The following TLE1 variants were observed in gnomAD, a reference collection of about 807,000 sequenced individuals.
TLE1 encodes transducin-like enhancer protein 1.
In TLE1, 21 loss-of-function variants were observed where a neutral mutation model predicts 89.8. That is an observed-to-expected ratio of 0.23 (90% CI 0.17 to 0.34). The LOEUF is 0.34. Ranked by LOEUF, TLE1 falls within the 10% of genes least tolerant of loss-of-function variation. The probability of loss-of-function intolerance (pLI) is 1.00; values close to 1 mark genes in which losing one functional copy is unlikely to be tolerated. For missense variants in TLE1, 795 were observed against 1,031.2 expected, an observed-to-expected ratio of 0.77 and a Z score of 3.14; for synonymous variants, 447 against 407.6, an observed-to-expected ratio of 1.10 and a Z score of -1.16.
At position 81,583,986 on chromosome 9, in the gene TLE1, G is replaced by A. The variant is rs1827997514; in HGVS notation, c.*212C>T. On this transcript the variant is annotated 3_prime_UTR_variant, in exon 20 of 20. Transcript: ENST00000376499. ...AACCCATGGCCCCTCTGTCCGCTTG[G>A]CCTTGGTGCTCCATTTGGTCTATGT... is the stretch of plus-strand genomic sequence containing the variant. 1.8e-6 allele frequency: 1 copy of A among 552,228 alleles called. No individual in the cohort carries two copies. The allele number at this position is 552,228 out of a possible 1,614,324, so 34.2% of individuals were successfully genotyped here.
rs780771815 is a variant in TLE1 at position 81,616,147 on chromosome 9, A to C, written c.766-13T>G. On this transcript the variant is annotated splice_polypyrimidine_tract_variant and intron_variant, in intron 10 of 19. Coordinates refer to ENST00000376499, the MANE Select transcript of TLE1 (RefSeq NM_005077.5). ...GAGAAGAAGGGTCCTCAACAAGCAT[A>C]ATCAAAAGTTTTCGTGATTTAGCTT... 1 of 1,588,318 alleles carries C rather than the reference A, an allele frequency of 6.3e-7. No individual in the cohort carries two copies. Among genetic ancestry groups the C allele is most frequent in the South Asian group, 1.2e-5 (1 of 86,628 alleles).
chr9:81,644,331 C>T (rs1039407694), intron 6 of TLE1, among the ~76,000 whole-genome samples: 1 of 152,186 alleles, frequency 6.6e-6, no homozygotes, highest in African/African-American at 2.4e-5. Context: ...AAATATCCAT[C>T]AACTTATGAA....
intron 16 of TLE1, 27 bp from the exon 17 acceptor site, chr9:81,587,855 T>A: frequency 6.3e-7 from 1 of 1,599,432 alleles, no homozygotes; most frequent in Non-Finnish European, 8.5e-7. Context: ...GATTGAATAA[T>A]GATTTCCTGC....
intron 4 of TLE1, among the ~76,000 whole-genome samples, chr9:81,666,962 A>AT (rs1374665908): frequency 6.6e-6 from 1 of 151,904 alleles, no homozygotes; most frequent in Non-Finnish European, 1.5e-5. Flanking sequence ...TACAGAAAAA[A>AT]TTTAAAAATT....
chr9:81,660,976 C>T (rs1415217222), intron 4 of TLE1, among the ~76,000 whole-genome samples: 25 of 105,212 alleles, frequency 2.4e-4, no homozygotes, highest in Non-Finnish European at 4.0e-4. Flanking sequence ...CACACACACA[C>T]ACATTTAGCC....
chr9:81,588,077 G>T (rs916013951), intron 16 of TLE1, among the ~76,000 whole-genome samples: 5 of 152,096 alleles, frequency 3.3e-5, no homozygotes, highest in Non-Finnish European at 7.4e-5. Flanking sequence ...GCCACTGCAG[G>T]TCACTACCCA....
chr9:81,606,677 A>G (rs1454423123), intron 14 of TLE1, among the ~76,000 whole-genome samples: 1 of 151,988 alleles, frequency 6.6e-6, no homozygotes, highest in Non-Finnish European at 1.5e-5. Context: ...CCTAATGTAA[A>G]TAACGAGTTG....
intron 14 of TLE1, among the ~76,000 whole-genome samples, chr9:81,595,083 G>A (rs1174928390): frequency 6.6e-6 from 1 of 152,068 alleles, no homozygotes; most frequent in East Asian, 1.9e-4. Context: ...GAATAAGCAC[G>A]TATAATGGGA....
chr9:81,641,011 C>A (rs956944419), intron 6 of TLE1, among the ~76,000 whole-genome samples: 1 of 152,134 alleles, frequency 6.6e-6, no homozygotes, highest in Non-Finnish European at 1.5e-5. Context: ...AAAACCATGC[C>A]CCTAAGTGGC....
rs577732024 is a variant in TLE1, at chr9:81,649,081, C to G, written c.372+3133G>C. Among the ~76,000 whole-genome samples, 7 of 152,074 alleles carry G rather than the reference C, an allele frequency of 4.6e-5. No homozygotes were observed. In the South Asian group the frequency reaches 1.4e-3, roughly 31 times the overall value. Reference sequence around the variant, plus strand: ...AAGTAGGGCTGTAGTTATTATTCTGCCAGTCATCAAATTTGCTGTCAAAGC... The same window carrying G: ...AAGTAGGGCTGTAGTTATTATTCTGGCAGTCATCAAATTTGCTGTCAAAGC... On this transcript the variant is annotated intron_variant, in intron 6 of 19. Coordinates refer to ENST00000376499, the MANE Select transcript of TLE1 (RefSeq NM_005077.5).
At chr9:81,683,684 A>G (rs911357639) in intron 4 of TLE1, among the ~76,000 whole-genome samples, 12 of 152,166 alleles carry the variant, frequency 7.9e-5, no homozygotes, top group Non-Finnish European at 2.9e-5. Flanking sequence ...AATATCAACT[A>G]AATTTCAGGA....
At chr9:81,589,854 C>G (rs538948844) in intron 16 of TLE1, among the ~76,000 whole-genome samples, 4 of 152,246 alleles carry the variant, frequency 2.6e-5, no homozygotes, top group Admixed American at 6.5e-5. Context: ...CCTACACTAC[C>G]CAGCAAACAG....
chr9:81,608,740 C>A (rs1258553695), intron 14 of TLE1, among the ~76,000 whole-genome samples: 3 of 152,054 alleles, frequency 2.0e-5, no homozygotes, highest in Admixed American at 6.5e-5. Flanking sequence ...AGTTCAAAAC[C>A]AGCCTGACCA....
At chr9:81,596,335 G>A (rs1406767086) in intron 14 of TLE1, among the ~76,000 whole-genome samples, 1 of 152,148 alleles carries the variant, frequency 6.6e-6, no homozygotes, top group East Asian at 1.9e-4. Flanking sequence ...GTCACAGGGG[G>A]CCTCGCAGGA....
intron 16 of TLE1, 116 bp from the exon 17 acceptor site, chr9:81,587,944 G>GTGTGTGTGTGTGTGTGTT: frequency 8.3e-7 from 1 of 1,208,300 alleles, no homozygotes; most frequent in Non-Finnish European, 1.1e-6. Flanking sequence ...GTGTGTGTGT[G>GTGTGTGTGTGTGTGTGTT]TGATCCCGCC....
At chr9:81,619,348 T>A (rs1013306202) in intron 9 of TLE1, among the ~76,000 whole-genome samples, 11 of 152,170 alleles carry the variant, frequency 7.2e-5, no homozygotes, top group Admixed American at 7.2e-4. Context: ...TGGAGGTGGG[T>A]TTGCACATCT....
At position 81,587,807 on chromosome 9, in the gene TLE1, G is replaced by A. The variant is rs538184649; in HGVS notation, c.1851C>T (p.Asp617=). 24 of 1,613,992 alleles carry A rather than the reference G, an allele frequency of 1.5e-5. No homozygotes were observed. Among genetic ancestry groups the A allele is most frequent in the African/African-American group, 5.3e-5 (4 of 74,968 alleles). ...TAGAAATGTCAATACAGCTGGCTCC[G>A]TCTGTGTGGCCCTGGAATTGCCTGA... The part of the protein sequence containing the change: ...TLVRQFQGHT[D]GASCIDISND... Residue 617 remains aspartate (D), a synonymous_variant, in exon 17 of 20, where the codon GAC becomes GAT. Transcript: ENST00000376499.
At chr9:81,633,466 A>C in intron 7 of TLE1, 102 bp from the exon 8 acceptor site, 2 of 1,564,104 alleles carry the variant, frequency 1.3e-6, no homozygotes, top group East Asian at 4.5e-5. Flanking sequence ...CACAAGCCCC[A>C]AACAGTTTTA....
chr9:81,615,239 G>A (rs11788359), intron 11 of TLE1, among the ~76,000 whole-genome samples: 1 of 150,604 alleles, frequency 6.6e-6, no homozygotes, highest in East Asian at 1.9e-4. Flanking sequence ...TGAGGCAGGA[G>A]AATTGTTTGA....
Sources: gnomAD v4.1 joint callset for allele counts (sites outside exome capture counted in the v4.1 genomes callset) on GRCh38, gnomAD v4.1.1 for gene constraint, MANE v1.5 for transcripts, NCBI Gene and HGNC (gene_info 2026-07-23, HGNC 2026-07-21) for gene names.